The following FAF1 variants were observed in gnomAD, a reference collection of about 807,000 sequenced individuals.
The protein encoded by FAF1 is Fas associated factor 1.
In FAF1, 25 loss-of-function variants were observed where a neutral mutation model predicts 92.5. The ratio of observed to expected loss-of-function variants is 0.27; its 90% confidence interval spans 0.20 to 0.38. FAF1 has a LOEUF of 0.38. FAF1 is among the 10% of genes least tolerant of loss of function. The pLI, the probability that FAF1 is intolerant of heterozygous loss-of-function variation, is 1.00. For synonymous variants in FAF1, 234 were observed against 273.2 expected (o/e 0.86, Z 1.42); for missense variants, 636 against 793.3 (o/e 0.80, Z 2.38).
chr1:50,897,984 A>C (rs1286401138), intron 1 of FAF1, among the ~76,000 whole-genome samples: 1 of 152,220 alleles, frequency 6.6e-6, no homozygotes, highest in Non-Finnish European at 1.5e-5. Flanking sequence ...CCATCCAACC[A>C]GATCTGCAAC....
rs755424291 is a variant in FAF1, at chr1:50,874,758, C to CTTTTTTTTT, written c.46-16770_46-16762dup. ...TTCTCCATCTTATTTTCTTTTCTTT[C>CTTTTTTTTT]TTTTTTTTTTTTTTTTTTTTTTTTT... On this transcript the variant is annotated intron_variant, in intron 1 of 18. Coordinates refer to ENST00000396153, the MANE Select transcript of FAF1 (RefSeq NM_007051.3). 6.1e-3 allele frequency among the ~76,000 whole-genome samples: 407 copies of CTTTTTTTTT among 67,272 alleles called. 11 individuals carry two copies. The highest frequency in any genetic ancestry group is 8.9e-3 in the East Asian group (22 of 2,470). The allele number at this position is 67,272 out of a possible 152,430, so 44.1% of individuals were successfully genotyped here.
At chr1:50,746,280 ATATATATATATATTTTTTTTTTTT>A (rs1195343300) in intron 4 of FAF1, among the ~76,000 whole-genome samples, 75 of 18,816 alleles carry the variant, frequency 4.0e-3, no homozygotes, top group Middle Eastern at 0.05. Context: ...ATATATATAT[ATATATATATATATTTTTTTTTTTT>A]TTTTTTTTTT....
At chr1:50,446,779 C>T (rs1457692600) in intron 18 of FAF1, among the ~76,000 whole-genome samples, 1 of 152,016 alleles carries the variant, frequency 6.6e-6, no homozygotes, top group Non-Finnish European at 1.5e-5. Context: ...AGAAAAAATG[C>T]TAGGTTGGAT....
intron 2 of FAF1, among the ~76,000 whole-genome samples, chr1:50,827,819 A>G (rs1644116235): frequency 6.6e-6 from 1 of 152,170 alleles, no homozygotes; most frequent in South Asian, 2.1e-4. Context: ...CATAATTACG[A>G]CAGAGAGCCT....
intron 15 of FAF1, among the ~76,000 whole-genome samples, chr1:50,534,297 T>C (rs1241052640): frequency 6.6e-6 from 1 of 152,136 alleles, no homozygotes; most frequent in African/African-American, 2.4e-5. Flanking sequence ...GATAATTTTT[T>C]TGAGACATAT....
At chr1:50,735,172 T>C (rs1480263796) in intron 6 of FAF1, among the ~76,000 whole-genome samples, 1 of 152,258 alleles carries the variant, frequency 6.6e-6, no homozygotes, top group Non-Finnish European at 1.5e-5. Context: ...AAGTCATTGA[T>C]GAACTGAATC....
Position 50,590,710 on chromosome 1 carries a change from C to T in FAF1, c.840+5411G>A, listed in dbSNP as rs377622865. On this transcript the variant is annotated intron_variant, in intron 9 of 18. Coordinates refer to ENST00000396153, the MANE Select transcript of FAF1 (RefSeq NM_007051.3). ...AAAGGGGTCATTCTTGGCCGGGCGCCGTGGCTCACGCCTGTAATCCCAGCA... is the reference window on the plus strand; with the variant it reads ...AAAGGGGTCATTCTTGGCCGGGCGCTGTGGCTCACGCCTGTAATCCCAGCA... 3.6e-4 allele frequency among the ~76,000 whole-genome samples: 54 copies of T among 151,624 alleles called. 4 individuals carry two copies. The highest frequency in any genetic ancestry group is 1.3e-3 in the African/African-American group (53 of 41,332).
At chr1:50,732,012 G>A (rs927507866) in intron 6 of FAF1, among the ~76,000 whole-genome samples, 2 of 151,830 alleles carry the variant, frequency 1.3e-5, no homozygotes, top group African/African-American at 2.4e-5. Context: ...AGTGCTTTAC[G>A]GGGTTATTAA....
At chr1:50,740,584 T>A (rs1440857726) in intron 5 of FAF1, among the ~76,000 whole-genome samples, 1 of 152,210 alleles carries the variant, frequency 6.6e-6, no homozygotes, top group African/African-American at 2.4e-5. Context: ...ATTCTATTTC[T>A]CTTTTTTCAT....
intron 4 of FAF1, among the ~76,000 whole-genome samples, chr1:50,762,458 A>G (rs1268850824): frequency 6.6e-6 from 1 of 151,308 alleles, no homozygotes; most frequent in Non-Finnish European, 1.5e-5. Context: ...GGCTACAGTA[A>G]CCAAAACAGC....
chr1:50,765,069 T>C (rs1163027836), intron 4 of FAF1, among the ~76,000 whole-genome samples: 13 of 152,236 alleles, frequency 8.5e-5, no homozygotes, highest in Non-Finnish European at 1.9e-4. Context: ...CTTTGCTTTA[T>C]GTTTTTAACA....
chr1:50,885,433 T>C (rs1286635385), intron 1 of FAF1, among the ~76,000 whole-genome samples: 3 of 152,062 alleles, frequency 2.0e-5, no homozygotes, highest in African/African-American at 4.8e-5. Flanking sequence ...CCCTTTATCA[T>C]TATACAGTAA....
intron 1 of FAF1, among the ~76,000 whole-genome samples, chr1:50,921,740 C>T (rs1012701362): frequency 1.3e-5 from 2 of 151,818 alleles, no homozygotes; most frequent in African/African-American, 4.8e-5. Flanking sequence ...AAGATCACAC[C>T]ACTGCACTCC....
chr1:50,582,563 A>T, intron 12 of FAF1, 55 bp downstream of exon 12: 1 of 1,090,034 alleles, frequency 9.2e-7, no homozygotes, highest in Non-Finnish European at 1.4e-6. Context: ...CCTCAGCCCT[A>T]GTGGTAAACC....
intron 7 of FAF1, among the ~76,000 whole-genome samples, chr1:50,698,880 TTC>T (rs1383783615): frequency 6.6e-6 from 1 of 152,086 alleles, no homozygotes; most frequent in Non-Finnish European, 1.5e-5. Context: ...GCTTGTGCAT[TTC>T]TGTGTTTTAT....
intron 1 of FAF1, among the ~76,000 whole-genome samples, chr1:50,948,461 TG>T (rs1326677645): frequency 6.6e-6 from 1 of 151,968 alleles, no homozygotes; most frequent in African/African-American, 2.4e-5. Flanking sequence ...GACTATCACA[TG>T]GCAAGAGAGG....
In FAF1 at chr1:50,584,755, A is replaced by G; in HGVS notation, c.897T>C (p.Ala299=). Residue 299 remains alanine, a synonymous_variant, in exon 10 of 19, where the codon GCT becomes GCC. Transcript: ENST00000396153. The stretch of plus-strand genomic sequence containing the variant: ...CTCCATCATCCACCCCAAATTCTGT[A>G]GCATCTTCAAAGTCATCTCCATCGC... ...SDSDGDDFED[A]TEFGVDDGEV... 2 of 1,613,706 alleles carry G rather than the reference A, an allele frequency of 1.2e-6. No homozygotes were observed. Among genetic ancestry groups the G allele is most frequent in the Non-Finnish European group, 1.7e-6 (2 of 1,179,678 alleles).
At chr1:50,511,140 T>A (rs1445661621) in intron 15 of FAF1, among the ~76,000 whole-genome samples, 3 of 152,216 alleles carry the variant, frequency 2.0e-5, no homozygotes, top group Admixed American at 2.0e-4. Context: ...AGTAGTCATC[T>A]CTTCACCCTA....
intron 4 of FAF1, among the ~76,000 whole-genome samples, chr1:50,765,771 TA>T (rs2124536714): frequency 6.6e-6 from 1 of 152,256 alleles, no homozygotes; most frequent in East Asian, 1.9e-4. Context: ...TACCACTTTG[TA>T]AAATTTAAAA....
Sources: allele counts gnomAD v4.1 joint callset (sites outside exome capture counted in the v4.1 genomes callset), GRCh38; gene constraint gnomAD v4.1.1; transcripts MANE v1.5; gene names NCBI Gene and HGNC (gene_info 2026-07-23, HGNC 2026-07-21).